Variants in UPP2 observed in about 807,000 individuals in gnomAD.
UPP2 encodes UPase 2.
Under a neutral mutation model 26.7 loss-of-function variants are expected in UPP2, and 23 were observed. The observed-to-expected ratio is 0.86, with a 90% CI of 0.62 to 1.22. The LOEUF (loss-of-function observed/expected upper bound fraction) is 1.22. UPP2 is among the 50% of genes most tolerant of loss of function. The pLI, the probability that UPP2 is intolerant of heterozygous loss-of-function variation, is 0.00. For synonymous variants in UPP2, 127 were observed against 141.3 expected, an observed-to-expected ratio of 0.90 and a Z score of 0.72; for missense variants, 387 against 396.7, an observed-to-expected ratio of 0.98 and a Z score of 0.21.
rs1276136169 is a variant in UPP2, at chr2:158,010,676, T to G, written c.62-5125T>G. On this transcript the variant is annotated intron_variant, in intron 2 of 9. Transcript: ENST00000605860. ...ATTCAACAAGGATTGTTTGCATTAA[T>G]GTTAAGTGAAGGCACAGTTATATTA... 2.0e-5 allele frequency among the ~76,000 whole-genome samples: 3 copies of G among 152,142 alleles called. No individual in the cohort carries two copies. The South Asian group carries it at 6.2e-4, about 32-fold the overall frequency.
intron 2 of UPP2, among the ~76,000 whole-genome samples, chr2:158,002,136 C>G (rs1413925002): frequency 6.6e-6 from 1 of 151,686 alleles, no homozygotes; most frequent in African/African-American, 2.4e-5. Flanking sequence ...GCCAAGGATG[C>G]AGGGCAGGGG....
chr2:158,031,593 A>C (rs1683922079), intron 3 of UPP2, among the ~76,000 whole-genome samples: 1 of 152,186 alleles, frequency 6.6e-6, no homozygotes, highest in Non-Finnish European at 1.5e-5. Flanking sequence ...CTATTCTAAC[A>C]AGGATCTGCA....
chr2:158,065,802 C>A, intron 3 of UPP2: 1 of 701,680 alleles, frequency 1.4e-6, no homozygotes, highest in South Asian at 1.5e-5. Flanking sequence ...CTGGTTAAGT[C>A]TTGTGAAAAT....
rs193084607 is a variant in UPP2 at position 158,055,566 on chromosome 2, T to C, written c.147+39680T>C. ...TGTCTTTCTTGACACTCCTAAGTGA[T>C]AGCCCTCTAAAAGTATTCCCATAAC... On this transcript the variant is annotated intron_variant, in intron 3 of 9. Transcript: ENST00000605860. Among the ~76,000 whole-genome samples the C allele has an allele frequency of 4.6e-3, 701 of 152,344 alleles. 2 individuals are homozygous for C. Among genetic ancestry groups the C allele is most frequent in the Non-Finnish European group, 4.4e-3 (297 of 68,028 alleles).
At chr2:158,029,583 C>A (rs1388783308) in intron 3 of UPP2, among the ~76,000 whole-genome samples, 1 of 152,126 alleles carries the variant, frequency 6.6e-6, no homozygotes, top group Non-Finnish European at 1.5e-5. Context: ...ATTGTCCAAA[C>A]TGGGACACTT....
intron 3 of UPP2, among the ~76,000 whole-genome samples, chr2:158,077,567 G>A (rs1682650342): frequency 6.6e-6 from 1 of 151,916 alleles, no homozygotes. Flanking sequence ...TAAGGTGCTG[G>A]GAAAACTGGA....
chr2:158,092,471 A>C (rs910714370), intron 3 of UPP2, among the ~76,000 whole-genome samples: 20 of 152,348 alleles, frequency 1.3e-4, no homozygotes, highest in African/African-American at 4.3e-4. Flanking sequence ...AATCACTGGC[A>C]ATCTGGAATT....
Position 158,026,405 on chromosome 2 carries a change from T to C in UPP2, c.147+10519T>C, listed in dbSNP as rs371476078. Among the ~76,000 whole-genome samples, 18 of 152,218 alleles carry C rather than the reference T, an allele frequency of 1.2e-4. No homozygotes were observed. In the East Asian group the frequency reaches 3.5e-3, roughly 29 times the overall value. On this transcript the variant is annotated intron_variant, in intron 3 of 9. Transcript: ENST00000605860. ...CAGCTGTCCTTTGGTTGTTCTCTGA[T>C]CAGGCCAGCTCACTGCAGGCAAAAT... is the stretch of plus-strand genomic sequence containing the variant.
chr2:158,085,791 T>A (rs1682805735), intron 3 of UPP2, among the ~76,000 whole-genome samples: 1 of 152,206 alleles, frequency 6.6e-6, no homozygotes, highest in Non-Finnish European at 1.5e-5. Flanking sequence ...TCTGTTTATG[T>A]GGTGTATCAC....
chr2:158,054,416 G>C lies in UPP2; in HGVS notation c.147+38530G>C, dbSNP rs183955756. ...TTTTTTTTTTAAATCCTTGCAATGT[G>C]TAGAGAAAGAAGGAAGTGAGAGAAA... On this transcript the variant is annotated intron_variant, in intron 3 of 9. Coordinates refer to the UPP2 transcript ENST00000605860. 4.1e-5 allele frequency among the ~76,000 whole-genome samples: 6 copies of C among 147,244 alleles called. 1 individual carries two copies. The Middle Eastern group carries it at 0.011, about 259-fold the overall frequency.
chr2:158,055,204 GT>G (rs1682227795), intron 3 of UPP2, among the ~76,000 whole-genome samples: 1 of 152,206 alleles, frequency 6.6e-6, no homozygotes. Flanking sequence ...TCCCAAGGCG[GT>G]GCAGGGTATC....
intron 3 of UPP2, among the ~76,000 whole-genome samples, chr2:158,053,739 C>A (rs1282832550): frequency 6.6e-6 from 1 of 152,094 alleles, no homozygotes; most frequent in Non-Finnish European, 1.5e-5. Flanking sequence ...AGGATTTTAG[C>A]CACAGGATGT....
At chr2:158,019,160 T>G (rs1683707072) in intron 3 of UPP2, among the ~76,000 whole-genome samples, 1 of 152,238 alleles carries the variant, frequency 6.6e-6, no homozygotes, top group African/African-American at 2.4e-5. Flanking sequence ...GAGCACATGT[T>G]CTTGCACTAG....
At chr2:158,006,186 A>G (rs1373308872) in intron 2 of UPP2, among the ~76,000 whole-genome samples, 4 of 152,340 alleles carry the variant, frequency 2.6e-5, no homozygotes, top group Admixed American at 6.5e-5. Flanking sequence ...ATGGCTGGGC[A>G]CGGTGGCTCA....
intron 6 of UPP2, among the ~76,000 whole-genome samples, chr2:158,132,216 G>GC (rs1683833228): frequency 6.6e-6 from 1 of 152,218 alleles, no homozygotes; most frequent in South Asian, 2.1e-4. Context: ...TGAAATATTT[G>GC]CCGCAGCTCA....
intron 3 of UPP2, chr2:158,066,009 A>C: frequency 2.8e-6 from 1 of 358,508 alleles, no homozygotes; most frequent in Non-Finnish European, 5.2e-6. Context: ...ATCATCCTTA[A>C]AGATGTGGCT....
chr2:158,076,365 C>T (rs929664805), intron 3 of UPP2, among the ~76,000 whole-genome samples: 7 of 151,808 alleles, frequency 4.6e-5, no homozygotes, highest in Admixed American at 1.3e-4. Context: ...AAAGACACAT[C>T]TAAAAAAGAA....
intron 3 of UPP2, among the ~76,000 whole-genome samples, chr2:158,051,887 G>A (rs1448116289): frequency 1.3e-5 from 2 of 152,156 alleles, no homozygotes; most frequent in Non-Finnish European, 2.9e-5. Flanking sequence ...GAGAGTAGGG[G>A]CTCTCATTCC....
At chr2:158,065,683 TA>T in intron 3 of UPP2, 1 of 615,784 alleles carries the variant, frequency 1.6e-6, no homozygotes, top group South Asian at 1.6e-5. Context: ...TCACAATAGA[TA>T]AGAGTATGTA....
Sources: gnomAD v4.1 joint callset for allele counts (sites outside exome capture counted in the v4.1 genomes callset) on GRCh38, gnomAD v4.1.1 for gene constraint, MANE v1.5 for transcripts, NCBI Gene and HGNC (gene_info 2026-07-23, HGNC 2026-07-21) for gene names.